PTPRT: variants seen among roughly 807,000 people sequenced by gnomAD.
The protein encoded by PTPRT is receptor-type tyrosine-protein phosphatase T.
PTPRT carries 56 observed loss-of-function variants against 176.8 expected under a neutral mutation model. That is an observed-to-expected ratio of 0.32 (90% CI 0.26 to 0.40). The LOEUF is 0.40. Among genes scored for constraint, PTPRT ranks in the 10% least tolerant of loss-of-function variants. PTPRT has a pLI of 1.00. For synonymous variants in PTPRT, 783 were observed against 739.0 expected (o/e 1.06, Z -0.96); for missense variants, 1,540 against 1,908.2 (o/e 0.81, Z 3.60).
At chr20:43,025,165 C>T (rs564543592) in intron 1 of PTPRT, among the ~76,000 whole-genome samples, 1 of 152,318 alleles carries the variant, frequency 6.6e-6, no homozygotes, top group African/African-American at 2.4e-5. Context: ...ATCTTTAGCT[C>T]ACCATGCCTG....
At chr20:42,458,544 T>C (rs1406061980) in intron 8 of PTPRT, among the ~76,000 whole-genome samples, 1 of 152,198 alleles carries the variant, frequency 6.6e-6, no homozygotes, top group Non-Finnish European at 1.5e-5. Context: ...ATACTATGTT[T>C]GTCTGATCCT....
chr20:43,128,728 C>T (rs1312909723), intron 1 of PTPRT, among the ~76,000 whole-genome samples: 2 of 152,162 alleles, frequency 1.3e-5, no homozygotes, highest in Non-Finnish European at 2.9e-5. Flanking sequence ...CTTCACTGGC[C>T]TTCAGCACAT....
At chr20:42,982,002 A>G (rs1400977958) in intron 1 of PTPRT, among the ~76,000 whole-genome samples, 1 of 152,196 alleles carries the variant, frequency 6.6e-6, no homozygotes, top group Non-Finnish European at 1.5e-5. Flanking sequence ...AAGAAGACAT[A>G]GGTGGGAAGA....
At chr20:42,615,271 A>G (rs1356055994) in intron 7 of PTPRT, among the ~76,000 whole-genome samples, 1 of 136,462 alleles carries the variant, frequency 7.3e-6, no homozygotes, top group African/African-American at 3.2e-5. Context: ...CGAACTCATC[A>G]TTTTTTATGG....
At chr20:42,423,723 A>T (rs1040084499) in intron 9 of PTPRT, among the ~76,000 whole-genome samples, 1 of 152,260 alleles carries the variant, frequency 6.6e-6, no homozygotes, top group Non-Finnish European at 1.5e-5. Flanking sequence ...ATGATTTTCC[A>T]TAATGGATAA....
intron 1 of PTPRT, among the ~76,000 whole-genome samples, chr20:42,892,050 G>C (rs897565612): frequency 6.6e-6 from 1 of 152,128 alleles, no homozygotes; most frequent in Non-Finnish European, 1.5e-5. Flanking sequence ...TTTGCCCAGG[G>C]GCTATAGTTT....
At chr20:43,028,751 C>T (rs1986020547) in intron 1 of PTPRT, among the ~76,000 whole-genome samples, 1 of 152,138 alleles carries the variant, frequency 6.6e-6, no homozygotes, top group Non-Finnish European at 1.5e-5. Flanking sequence ...CAAATCTGAT[C>T]CAAACGCCTA....
chr20:42,423,223 G>T, intron 9 of PTPRT, among the ~76,000 whole-genome samples: 1 of 92,798 alleles, frequency 1.1e-5, no homozygotes, highest in Non-Finnish European at 2.4e-5. Context: ...ACTAATAAAA[G>T]AATCAGAAAT....
chr20:42,367,634 G>A (rs905753091), intron 9 of PTPRT, among the ~76,000 whole-genome samples: 1 of 152,190 alleles, frequency 6.6e-6, no homozygotes, highest in African/African-American at 2.4e-5. Flanking sequence ...AGGGTGGGGA[G>A]GATAGGTGTG....
chr20:42,191,903 T>C (rs891236952), intron 16 of PTPRT, among the ~76,000 whole-genome samples: 1 of 152,044 alleles, frequency 6.6e-6, no homozygotes, highest in African/African-American at 2.4e-5. Context: ...ATTCATATAT[T>C]CAAACAAGTA....
intron 1 of PTPRT, among the ~76,000 whole-genome samples, chr20:43,138,803 C>A (rs2013914610): frequency 6.6e-6 from 1 of 152,192 alleles, no homozygotes; most frequent in South Asian, 2.1e-4. Flanking sequence ...CACCTTGCCA[C>A]TGACCCTGTT....
chr20:43,085,706 G>T (rs981151700), intron 1 of PTPRT, among the ~76,000 whole-genome samples: 1 of 152,040 alleles, frequency 6.6e-6, no homozygotes, highest in Non-Finnish European at 1.5e-5. Context: ...AGAACAGCAC[G>T]CGAAAAACCC....
At chr20:42,309,343 G>A (rs1490155183) in intron 12 of PTPRT, among the ~76,000 whole-genome samples, 1 of 152,052 alleles carries the variant, frequency 6.6e-6, no homozygotes, top group African/African-American at 2.4e-5. Flanking sequence ...CAAACAATGC[G>A]AAACTGCACC....
intron 2 of PTPRT, among the ~76,000 whole-genome samples, chr20:42,879,668 G>A (rs1568655316): frequency 6.6e-6 from 1 of 152,122 alleles, no homozygotes; most frequent in Admixed American, 6.5e-5. Context: ...GCCCCATGGT[G>A]TGAAGGAACA....
intron 1 of PTPRT, among the ~76,000 whole-genome samples, chr20:43,047,553 T>C (rs1986886754): frequency 6.6e-6 from 1 of 152,196 alleles, no homozygotes; most frequent in Admixed American, 6.5e-5. Flanking sequence ...AAATTAATGT[T>C]TTCTATTAAC....
intron 9 of PTPRT, among the ~76,000 whole-genome samples, chr20:42,357,729 C>A (rs556748537): frequency 6.6e-6 from 1 of 151,974 alleles, no homozygotes; most frequent in Admixed American, 6.6e-5. Context: ...GGCAAAACAG[C>A]GAGACCCCAT....
intron 7 of PTPRT, among the ~76,000 whole-genome samples, chr20:42,589,756 T>C (rs1371083095): frequency 6.6e-6 from 1 of 152,176 alleles, no homozygotes; most frequent in African/African-American, 2.4e-5. Flanking sequence ...CTGATCTGTT[T>C]TGATCAGCCA....
chr20:43,126,331 A>G (rs909027359), intron 1 of PTPRT, among the ~76,000 whole-genome samples: 42 of 152,090 alleles, frequency 2.8e-4, no homozygotes, highest in African/African-American at 8.9e-4. Flanking sequence ...AGCCTGGGCA[A>G]CAGAGCAAGA....
rs114088822 is a variant in PTPRT, at chr20:42,230,821, G to A, written c.2342+5408C>T. Among the ~76,000 whole-genome samples, 452 of 152,326 alleles carry A rather than the reference G, an allele frequency of 3.0e-3. 1 individual carries two copies. Among genetic ancestry groups the A allele is most frequent in the African/African-American group, 0.01 (420 of 41,570 alleles). On this transcript the variant is annotated intron_variant, in intron 15 of 30. Coordinates refer to ENST00000373187, the MANE Select transcript of PTPRT (RefSeq NM_007050.6). ...GATTCACATTTGTGTGTGCGTGTGC[G>A]TGTATACTGGAGAGACAATAATGGG...
Sources: allele counts gnomAD v4.1 joint callset (sites outside exome capture counted in the v4.1 genomes callset), GRCh38; gene constraint gnomAD v4.1.1; transcripts MANE v1.5; gene names NCBI Gene and HGNC (gene_info 2026-07-23, HGNC 2026-07-21).